Variants in CCDC102B observed in about 807,000 individuals in gnomAD.
CCDC102B encodes the protein coiled-coil domain containing 102B.
Under a neutral mutation model 57.4 loss-of-function variants are expected in CCDC102B, and 75 were observed. The ratio of observed to expected loss-of-function variants is 1.31; its 90% CI spans 1.08 to 1.58. The LOEUF is 1.58. CCDC102B is among the 40% of genes most tolerant of loss of function. CCDC102B has a pLI of 0.00. For missense variants in CCDC102B, 636 were observed against 582.6 expected (o/e 1.09, Z -0.94); for synonymous variants, 206 against 201.9 (o/e 1.02, Z -0.17).
At chr18:69,039,106 C>T (rs577761486) in intron 7 of CCDC102B, among the ~76,000 whole-genome samples, 5 of 151,960 alleles carry the variant, frequency 3.3e-5, no homozygotes, top group African/African-American at 7.2e-5. Flanking sequence ...TCATCTCCAT[C>T]GCAAAAATGT....
At chr18:68,870,845 AG>A (rs761440693) in intron 4 of CCDC102B, among the ~76,000 whole-genome samples, 30 of 152,304 alleles carry the variant, frequency 2.0e-4, no homozygotes, top group Non-Finnish European at 4.1e-4. Context: ...ATCATTTTGA[AG>A]GTTAAAATGT....
intron 1 of CCDC102B, among the ~76,000 whole-genome samples, chr18:68,808,125 T>C (rs1472446775): frequency 1.3e-5 from 2 of 152,212 alleles, no homozygotes; most frequent in East Asian, 3.8e-4. Flanking sequence ...CTCACTATTA[T>C]AAGAAGTAGC....
chr18:68,998,455 T>C (rs1335736801), intron 6 of CCDC102B, among the ~76,000 whole-genome samples: 1 of 148,292 alleles, frequency 6.7e-6, no homozygotes, highest in Non-Finnish European at 1.5e-5. Context: ...AGTATTAGGG[T>C]TCTCTAGAGT....
upstream of CCDC102B, among the ~76,000 whole-genome samples, chr18:68,794,730 G>A (rs569878871): frequency 2.3e-4 from 35 of 152,224 alleles, no homozygotes; most frequent in African/African-American, 7.7e-4. Context: ...GATAATGGAG[G>A]TGTGTGTGCA....
intron 4 of CCDC102B, among the ~76,000 whole-genome samples, chr18:68,851,307 G>A (rs1159420543): frequency 1.3e-5 from 2 of 152,214 alleles, no homozygotes; most frequent in East Asian, 3.9e-4. Context: ...CTGGGATGAA[G>A]TCTTATCCAT....
intron 6 of CCDC102B, among the ~76,000 whole-genome samples, chr18:68,915,849 A>AT (rs988940786): frequency 9.9e-5 from 15 of 152,160 alleles, no homozygotes; most frequent in Non-Finnish European, 1.6e-4. Flanking sequence ...ACGAATGAAG[A>AT]TTTTTTTCCA....
chr18:68,828,087 G>A (rs933300933), intron 1 of CCDC102B, among the ~76,000 whole-genome samples: 1 of 151,608 alleles, frequency 6.6e-6, no homozygotes, highest in African/African-American at 2.4e-5. Flanking sequence ...GCAAAAACAG[G>A]TAGGGCTGAA....
At chr18:68,864,535 C>T (rs530584115) in intron 4 of CCDC102B, among the ~76,000 whole-genome samples, 3 of 152,068 alleles carry the variant, frequency 2.0e-5, no homozygotes, top group African/African-American at 4.8e-5. Flanking sequence ...GGTTTTCCTG[C>T]ATCATATTAT....
intron 6 of CCDC102B, among the ~76,000 whole-genome samples, chr18:68,957,307 G>T (rs2049926327): frequency 6.6e-6 from 1 of 151,960 alleles, no homozygotes; most frequent in Admixed American, 6.6e-5. Flanking sequence ...TTGATAGGGG[G>T]TTTAGTTTCA....
At chr18:68,776,728 A>G in intron 2 of CCDC102B, among the ~76,000 whole-genome samples, 1 of 152,132 alleles carries the variant, frequency 6.6e-6, no homozygotes, top group Non-Finnish European at 1.5e-5. Flanking sequence ...TTAATACCTG[A>G]GTAATGAAAT....
chr18:68,925,624 A>G (rs2041451151), intron 6 of CCDC102B, among the ~76,000 whole-genome samples: 2 of 152,160 alleles, frequency 1.3e-5, no homozygotes, highest in African/African-American at 2.4e-5. Context: ...CTATGGGTCA[A>G]TGCTTTAAGC....
chr18:68,808,079 A>G (rs1246490731), intron 1 of CCDC102B, among the ~76,000 whole-genome samples: 1 of 152,168 alleles, frequency 6.6e-6, no homozygotes. Context: ...TTCATATTAT[A>G]GATGTAACTT....
At chr18:68,957,672 A>G (rs2049938597) in intron 6 of CCDC102B, among the ~76,000 whole-genome samples, 2 of 151,366 alleles carry the variant, frequency 1.3e-5, no homozygotes, top group Non-Finnish European at 2.9e-5. Flanking sequence ...GTATTTCAAT[A>G]GAGATTCCAT....
At chr18:68,756,796 T>C (rs2145258118) in intron 2 of CCDC102B, among the ~76,000 whole-genome samples, 2 of 152,280 alleles carry the variant, frequency 1.3e-5, no homozygotes, top group South Asian at 4.1e-4. Flanking sequence ...CCCAGTATTT[T>C]CTAGGCCAAG....
At chr18:69,047,691 G>C (rs1428612503) in intron 7 of CCDC102B, among the ~76,000 whole-genome samples, 2 of 152,190 alleles carry the variant, frequency 1.3e-5, no homozygotes, top group East Asian at 3.9e-4. Context: ...CTTCAGCAAA[G>C]TTTCAGGATA....
At chr18:68,754,717 G>A (rs1162680813) in intron 2 of CCDC102B, 1 of 152,198 alleles carries the variant, frequency 6.6e-6, no homozygotes, top group East Asian at 1.9e-4. Flanking sequence ...GACTGAATGT[G>A]TCTCCTCAAA....
At chr18:68,958,317 A>G (rs1489690717) in intron 6 of CCDC102B, among the ~76,000 whole-genome samples, 2 of 152,318 alleles carry the variant, frequency 1.3e-5, no homozygotes, top group South Asian at 2.1e-4. Context: ...CTTTTTCAGC[A>G]TCAATTGAAA....
intron 6 of CCDC102B, among the ~76,000 whole-genome samples, chr18:68,935,291 G>A (rs537388245): frequency 9.2e-5 from 14 of 152,048 alleles, no homozygotes; most frequent in African/African-American, 3.4e-4. Flanking sequence ...CTATTTTGAA[G>A]GTAAGGTTGA....
At chr18:68,718,329 A>G (rs1055201805) in intron 2 of CCDC102B, among the ~76,000 whole-genome samples, 3 of 152,358 alleles carry the variant, frequency 2.0e-5, no homozygotes, top group Middle Eastern at 3.4e-3. Context: ...GTAAAGTGCT[A>G]TATAGCAACG....
Sources: allele counts gnomAD v4.1 joint callset (sites outside exome capture counted in the v4.1 genomes callset), GRCh38; gene constraint gnomAD v4.1.1; transcripts MANE v1.5; gene names NCBI Gene and HGNC (gene_info 2026-07-23, HGNC 2026-07-21).